The following GRIK1 variants were observed in gnomAD, a reference collection of about 807,000 sequenced individuals.
GRIK1 encodes glutamate receptor ionotropic, kainate 1.
Under a neutral mutation model 105.7 loss-of-function variants are expected in GRIK1, and 69 were observed. That is an observed-to-expected ratio of 0.65 (90% CI 0.54 to 0.80). The LOEUF (loss-of-function observed/expected upper bound fraction) is 0.80, where lower values mean the gene tolerates loss of function less well. Among genes scored for constraint, GRIK1 ranks in the 30% least tolerant of loss-of-function variants. The probability of loss-of-function intolerance (pLI) is 0.00; values close to 1 mark genes in which losing one functional copy is unlikely to be tolerated. For synonymous variants in GRIK1, 438 were observed against 431.3 expected, an observed-to-expected ratio of 1.02 and a Z score of -0.19; for missense variants, 1,109 against 1,167.3, an observed-to-expected ratio of 0.95 and a Z score of 0.73.
chr21:29,733,056 C>T (rs566178946), intron 1 of GRIK1, among the ~76,000 whole-genome samples: 19 of 151,596 alleles, frequency 1.3e-4, no homozygotes, highest in African/African-American at 4.1e-4. Context: ...CTTCTACAGG[C>T]GGTTACATTT....
rs183837624 is a variant in GRIK1, at chr21:29,893,666, G to A, written c.118+45717C>T. Among the ~76,000 whole-genome samples, 29 of 152,298 alleles carry A rather than the reference G, an allele frequency of 1.9e-4. 1 individual carries two copies. The East Asian group carries it at 4.2e-3, about 22-fold the overall frequency. ...ACTCTCATTGCTTTTGGTTAGTACC[G>A]CTTGCGTGTTGGGCACTGAATTGAT... On this transcript the variant is annotated intron_variant, in intron 1 of 17. Transcript: ENST00000327783.
chr21:29,652,792 T>C (rs2062766271), intron 5 of GRIK1, among the ~76,000 whole-genome samples: 2 of 152,234 alleles, frequency 1.3e-5, no homozygotes, highest in African/African-American at 2.4e-5. Context: ...GAAAGTGCAT[T>C]GCAAGACAGG....
intron 1 of GRIK1, among the ~76,000 whole-genome samples, chr21:29,802,966 C>T (rs1174334447): frequency 2.0e-5 from 3 of 152,064 alleles, no homozygotes; most frequent in African/African-American, 7.2e-5. Flanking sequence ...CAGCACAGTC[C>T]TATAGATATG....
chr21:29,806,437 G>A (rs886897053), intron 1 of GRIK1, among the ~76,000 whole-genome samples: 1 of 151,856 alleles, frequency 6.6e-6, no homozygotes, highest in Admixed American at 6.6e-5. Context: ...GAAATACTTA[G>A]ATTAGCAGGT....
At chr21:29,704,326 G>C (rs2063864925) in intron 1 of GRIK1, among the ~76,000 whole-genome samples, 1 of 152,126 alleles carries the variant, frequency 6.6e-6, no homozygotes, top group African/African-American at 2.4e-5. Flanking sequence ...AAAGCAAAAA[G>C]CCTGCTTTTT....
intron 1 of GRIK1, chr21:29,761,499 A>G (rs892682111): frequency 6.6e-6 from 1 of 152,224 alleles, no homozygotes; most frequent in African/African-American, 2.4e-5. Context: ...ATTACTGTAT[A>G]ACTTTCAACA....
chr21:29,684,102 GTCTA>G (rs1444846221), intron 3 of GRIK1, among the ~76,000 whole-genome samples: 1 of 152,068 alleles, frequency 6.6e-6, no homozygotes, highest in African/African-American at 2.4e-5. Flanking sequence ...ATTTTCTACT[GTCTA>G]TCTACTAAAT....
At chr21:29,733,984 A>T (rs968658679) in intron 1 of GRIK1, among the ~76,000 whole-genome samples, 1 of 152,074 alleles carries the variant, frequency 6.6e-6, no homozygotes, top group African/African-American at 2.4e-5. Flanking sequence ...CTTTTATTTT[A>T]ATATAAGATA....
At chr21:29,623,937 T>A (rs978788695) in intron 7 of GRIK1, among the ~76,000 whole-genome samples, 1 of 152,250 alleles carries the variant, frequency 6.6e-6, no homozygotes, top group Non-Finnish European at 1.5e-5. Context: ...CAAATCTTGT[T>A]GACATAATGT....
At chr21:29,819,943 A>T (rs2067253141) in intron 1 of GRIK1, among the ~76,000 whole-genome samples, 1 of 152,090 alleles carries the variant, frequency 6.6e-6, no homozygotes, top group South Asian at 2.1e-4. Flanking sequence ...CACTGAGACT[A>T]AGATGAGTCT....
Position 29,727,878 on chromosome 21 carries a change from C to T in GRIK1, c.119-33815G>A, listed in dbSNP as rs146562171. ...CTGATTATGTCCCATAATCTGCCGC[C>T]TGTAAGCGGAGCCCCGGAAAAGCCA... On this transcript the variant is annotated intron_variant, in intron 1 of 17. Coordinates refer to ENST00000327783, the MANE Select transcript of GRIK1 (RefSeq NM_001330994.2). Among the ~76,000 whole-genome samples the T allele has an allele frequency of 2.9e-3, 445 of 152,320 alleles. 2 individuals carry two copies. Among genetic ancestry groups the T allele is most frequent in the Non-Finnish European group, 4.5e-3 (305 of 68,036 alleles).
chr21:29,634,410 T>G (rs1475389478), intron 7 of GRIK1, among the ~76,000 whole-genome samples: 1 of 152,240 alleles, frequency 6.6e-6, no homozygotes, highest in Non-Finnish European at 1.5e-5. Flanking sequence ...TTCATTCTTA[T>G]GCAGTAAATT....
chr21:29,793,937 C>T (rs2066491126), intron 1 of GRIK1, among the ~76,000 whole-genome samples: 1 of 152,144 alleles, frequency 6.6e-6, no homozygotes, highest in South Asian at 2.1e-4. Flanking sequence ...CACAAAGGTC[C>T]ATTTCAGCAT....
At chr21:29,642,001 C>G (rs363529) in intron 7 of GRIK1, among the ~76,000 whole-genome samples, 32,337 of 152,106 alleles carry the variant, frequency 0.21, 4,164 homozygotes, top group African/African-American at 0.36. Context: ...CACTTGAGAA[C>G]TAAATGTCTG....
chr21:29,645,591 T>C (rs1434717602), intron 6 of GRIK1, among the ~76,000 whole-genome samples: 2 of 152,194 alleles, frequency 1.3e-5, no homozygotes, highest in Non-Finnish European at 2.9e-5. Flanking sequence ...AAAAATATGC[T>C]ACCCCTTGAA....
At chr21:29,756,841 C>T (rs879738482) in intron 1 of GRIK1, among the ~76,000 whole-genome samples, 18 of 152,222 alleles carry the variant, frequency 1.2e-4, no homozygotes, top group Non-Finnish European at 1.5e-4. Context: ...TGGCCGGGCG[C>T]GGTGGCTCAC....
chr21:29,779,925 C>G (rs1036648298), intron 1 of GRIK1, among the ~76,000 whole-genome samples: 3 of 152,114 alleles, frequency 2.0e-5, no homozygotes, highest in Non-Finnish European at 2.9e-5. Context: ...AAAAAAAACC[C>G]TCATGCCTGG....
chr21:29,665,245 G>T (rs1336715562), intron 4 of GRIK1, among the ~76,000 whole-genome samples: 1 of 152,092 alleles, frequency 6.6e-6, no homozygotes, highest in Non-Finnish European at 1.5e-5. Flanking sequence ...TTAGTAAATT[G>T]TTGGTTATCC....
chr21:29,615,210 G>GT (rs2146392863), intron 7 of GRIK1, among the ~76,000 whole-genome samples: 1 of 151,744 alleles, frequency 6.6e-6, no homozygotes, highest in African/African-American at 2.4e-5. Flanking sequence ...TTGTATTACA[G>GT]TTTGTTGTGT....
Sources: gnomAD v4.1 joint callset for allele counts (sites outside exome capture counted in the v4.1 genomes callset) on GRCh38, gnomAD v4.1.1 for gene constraint, MANE v1.5 for transcripts, NCBI Gene and HGNC (gene_info 2026-07-23, HGNC 2026-07-21) for gene names.